Variants in GPR141 observed in about 807,000 individuals in gnomAD.
GPR141 encodes the protein probable G protein-coupled receptor 141.
Under a neutral mutation model 6.8 loss-of-function variants are expected in GPR141, and 6 were observed. The observed-to-expected ratio is 0.88, with a 90% CI of 0.48 to 1.74. The LOEUF is 1.74. GPR141 is among the 40% of genes most tolerant of loss of function. The pLI, the probability that GPR141 is intolerant of heterozygous loss-of-function variation, is 0.01. For synonymous variants in GPR141, 140 were observed against 142.3 expected (o/e 0.98, Z 0.11); for missense variants, 372 against 372.9 (o/e 1.00, Z 0.02).
chr7:37,741,544 A>G lies in GPR141; in HGVS notation c.*233A>G, dbSNP rs567818108. Among the ~76,000 whole-genome samples the G allele has an allele frequency of 2.6e-5, 4 of 152,312 alleles. No individual in the cohort carries two copies. The highest frequency in any genetic ancestry group is 7.2e-5 in the African/African-American group (3 of 41,578). ...TGAATCCACCTGGAGTTGCAATATT[A>G]CATTATTTTCCAGTACAGAATGTCT... On this transcript the variant is annotated 3_prime_UTR_variant, in exon 3 of 3. Transcript: ENST00000334425.
chr7:37,740,857 A>C lies in GPR141; in HGVS notation c.464A>C (p.Tyr155Ser). The C allele has an allele frequency of 6.2e-7, 1 of 1,614,106 alleles. No individual in the cohort carries two copies. Among genetic ancestry groups the C allele is most frequent in the Non-Finnish European group, 8.5e-7 (1 of 1,179,938 alleles). ...GTGGTACCCCTGGTTGTCTCCCGGTATGGAATCCATGAGGAATACAATGAG... is the reference window on the plus strand; with the variant it reads ...GTGGTACCCCTGGTTGTCTCCCGGTCTGGAATCCATGAGGAATACAATGAG... ...VIVVPLVVSR[Y>S]GIHEEYNEEH... is the part of the protein sequence containing the mutation. Residue 155 changes from tyrosine (Y) to serine (S), a missense_variant, in exon 3 of 3, where the codon TAT (tyrosine) becomes TCT (serine). Coordinates refer to ENST00000334425, the MANE Select transcript of GPR141 (RefSeq NM_001381946.1).
chr7:37,709,458 G>A (rs1282724202), intron 2 of GPR141, among the ~76,000 whole-genome samples: 3 of 151,926 alleles, frequency 2.0e-5, no homozygotes, highest in Non-Finnish European at 4.4e-5. Flanking sequence ...CCTATTGCTG[G>A]TATCCCTCTT....
chr7:37,710,758 A>T (rs1432235455), intron 2 of GPR141, among the ~76,000 whole-genome samples: 2 of 152,220 alleles, frequency 1.3e-5, no homozygotes, highest in African/African-American at 4.8e-5. Flanking sequence ...TTCTGGACAG[A>T]GCTAGAAAGT....
intron 2 of GPR141, among the ~76,000 whole-genome samples, chr7:37,689,139 T>C (rs1433489011): frequency 6.6e-6 from 1 of 152,160 alleles, no homozygotes; most frequent in Non-Finnish European, 1.5e-5. Flanking sequence ...CTGAATCTAT[T>C]GAGATGATTA....
chr7:37,686,492 C>A (rs1583511984), intron 2 of GPR141, among the ~76,000 whole-genome samples: 1 of 152,156 alleles, frequency 6.6e-6, no homozygotes, highest in Non-Finnish European at 1.5e-5. Context: ...CAAACTTAAT[C>A]TAAGCATAGT....
At chr7:37,702,170 A>G (rs1272423761) in intron 2 of GPR141, among the ~76,000 whole-genome samples, 1 of 152,236 alleles carries the variant, frequency 6.6e-6, no homozygotes, top group Non-Finnish European at 1.5e-5. Context: ...TTTTAGACAT[A>G]AAGTCTGATT....
intron 2 of GPR141, among the ~76,000 whole-genome samples, chr7:37,704,643 C>T (rs1377862871): frequency 6.6e-6 from 1 of 152,114 alleles, no homozygotes; most frequent in Non-Finnish European, 1.5e-5. Context: ...TAAATCATAT[C>T]AGTGTGGTCG....
intron 2 of GPR141, among the ~76,000 whole-genome samples, chr7:37,725,982 T>C (rs779788005): frequency 6.6e-6 from 1 of 152,232 alleles, no homozygotes; most frequent in African/African-American, 2.4e-5. Flanking sequence ...TTCATTTTTA[T>C]TTCTCTACAC....
At chr7:37,717,848 G>C (rs1010794908) in intron 2 of GPR141, among the ~76,000 whole-genome samples, 5 of 151,972 alleles carry the variant, frequency 3.3e-5, no homozygotes, top group Admixed American at 3.3e-4. Flanking sequence ...TACATCTCTT[G>C]GGCAAACACA....
chr7:37,723,488 G>A (rs1484867139), intron 2 of GPR141, among the ~76,000 whole-genome samples: 1 of 152,122 alleles, frequency 6.6e-6, no homozygotes, highest in African/African-American at 2.4e-5. Flanking sequence ...ACATGGTGAG[G>A]GAGGGAGGAA....
intron 2 of GPR141, among the ~76,000 whole-genome samples, chr7:37,704,542 A>G (rs1054598893): frequency 5.9e-5 from 9 of 152,190 alleles, no homozygotes; most frequent in African/African-American, 1.4e-4. Context: ...AACCACCCCC[A>G]TGATTCAATT....
At chr7:37,697,448 A>C (rs1026167) in intron 2 of GPR141, among the ~76,000 whole-genome samples, 60,051 of 151,804 alleles carry the variant, frequency 0.4, 12,320 homozygotes, top group African/African-American at 0.5. Context: ...AAGCCTTATA[A>C]TACAAATGGA....
chr7:37,694,357 A>C (rs1009732087), intron 2 of GPR141, among the ~76,000 whole-genome samples: 1 of 152,202 alleles, frequency 6.6e-6, no homozygotes, highest in Non-Finnish European at 1.5e-5. Flanking sequence ...AGGGTGCAGC[A>C]GCAACTGGGA....
At position 37,743,359 on chromosome 7, in the gene GPR141, T is replaced by A. The variant is rs1463713930; in HGVS notation, c.*2048T>A. Among the ~76,000 whole-genome samples, 1 of 152,124 alleles carries A rather than the reference T, an allele frequency of 6.6e-6. No individual in the cohort carries two copies. Among genetic ancestry groups the A allele is most frequent in the Non-Finnish European group, 1.5e-5 (1 of 68,012 alleles). ...GTAGCAACATAGTTCAAACATGACT[T>A]GTTTCCATATATTTTCTGTTTTATA... On this transcript the variant is annotated 3_prime_UTR_variant, in exon 3 of 3. Transcript: ENST00000334425.
chr7:37,686,076 G>A (rs1325119467), intron 2 of GPR141, among the ~76,000 whole-genome samples: 3 of 151,844 alleles, frequency 2.0e-5, no homozygotes, highest in African/African-American at 7.3e-5. Context: ...ACAGCTCACT[G>A]AAGCCTTCAC....
intron 2 of GPR141, among the ~76,000 whole-genome samples, chr7:37,733,671 C>CAAAAAAA (rs55943222): frequency 4.9e-5 from 5 of 101,212 alleles, no homozygotes; most frequent in African/African-American, 8.4e-5. Context: ...AACTCCATCT[C>CAAAAAAA]AAAAAAAAAA....
intron 2 of GPR141, among the ~76,000 whole-genome samples, chr7:37,717,141 C>T (rs1811087732): frequency 6.6e-6 from 1 of 152,202 alleles, no homozygotes; most frequent in South Asian, 2.1e-4. Context: ...GTGTGTCTTC[C>T]ACTAAGGTGA....
intron 2 of GPR141, 52 bp from the exon 3 acceptor site, chr7:37,740,328 G>A: frequency 8.7e-7 from 1 of 1,153,462 alleles, no homozygotes. Flanking sequence ...AAAAGAGATA[G>A]GAACAAAGCT....
At chr7:37,737,868 T>A (rs1366109035) in intron 2 of GPR141, among the ~76,000 whole-genome samples, 1 of 152,166 alleles carries the variant, frequency 6.6e-6, no homozygotes. Context: ...TGAACTAACC[T>A]ATGGGATTGA....
Sources: allele counts gnomAD v4.1 joint callset (sites outside exome capture counted in the v4.1 genomes callset), GRCh38; gene constraint gnomAD v4.1.1; transcripts MANE v1.5; gene names NCBI Gene and HGNC (gene_info 2026-07-23, HGNC 2026-07-21).